The following MARCHF1 variants were observed in gnomAD, a reference collection of about 807,000 sequenced individuals.
MARCHF1 encodes the protein E3 ubiquitin-protein ligase MARCHF1.
MARCHF1 carries 40 observed loss-of-function variants against 54.2 expected under a neutral mutation model. The observed-to-expected ratio is 0.74, with a 90% CI of 0.57 to 0.96. The LOEUF (loss-of-function observed/expected upper bound fraction) is 0.96. Ranked by LOEUF, MARCHF1 falls within the 40% of genes least tolerant of loss-of-function variation. The probability of loss-of-function intolerance (pLI) is 0.00; values close to 1 mark genes in which losing one functional copy is unlikely to be tolerated. For synonymous variants in MARCHF1, 236 were observed against 236.3 expected (o/e 1.00, Z 0.01); for missense variants, 586 against 656.5 (o/e 0.89, Z 1.17).
chr4:163,624,838 T>C (rs1472187385), intron 5 of MARCHF1, among the ~76,000 whole-genome samples: 1 of 152,230 alleles, frequency 6.6e-6, no homozygotes, highest in South Asian at 2.1e-4. Flanking sequence ...TAGGAAAATA[T>C]TATTCTCACA....
rs1733218957 is a variant in MARCHF1 at position 164,254,546 on chromosome 4, T to G, written c.-323+129324A>C. On this transcript the variant is annotated intron_variant, in intron 1 of 9. Coordinates refer to ENST00000514618, the MANE Select transcript of MARCHF1 (RefSeq NM_001394959.1). ...AATAAACTCCCATATGTATGAAGTT[T>G]ATTAAGTATTAACTTAATATATATC... 2.0e-5 allele frequency among the ~76,000 whole-genome samples: 3 copies of G among 151,968 alleles called. No homozygotes were observed. The South Asian group carries it at 6.2e-4, about 32-fold the overall frequency.
At chr4:164,371,149 G>A (rs1731025850) in intron 1 of MARCHF1, among the ~76,000 whole-genome samples, 1 of 152,132 alleles carries the variant, frequency 6.6e-6, no homozygotes, top group African/African-American at 2.4e-5. Context: ...AGATATGCCA[G>A]AGTTAGCCTC....
intron 1 of MARCHF1, among the ~76,000 whole-genome samples, chr4:164,148,911 T>C (rs1729851168): frequency 1.3e-5 from 2 of 152,132 alleles, no homozygotes; most frequent in Non-Finnish European, 2.9e-5. Context: ...GATATTATTA[T>C]AGTTTGGATG....
At chr4:163,890,111 T>A (rs952047090) in intron 3 of MARCHF1, among the ~76,000 whole-genome samples, 4 of 149,352 alleles carry the variant, frequency 2.7e-5, no homozygotes, top group African/African-American at 9.9e-5. Flanking sequence ...TTTTTTTGTA[T>A]TTTTAGTAGA....
chr4:164,339,557 G>C (rs1729854400), intron 1 of MARCHF1, among the ~76,000 whole-genome samples: 1 of 152,042 alleles, frequency 6.6e-6, no homozygotes, highest in Non-Finnish European at 1.5e-5. Context: ...AAACTTATGA[G>C]ATACAGCAAA....
intron 1 of MARCHF1, among the ~76,000 whole-genome samples, chr4:164,141,448 T>C (rs1167440215): frequency 1.3e-5 from 2 of 152,230 alleles, no homozygotes; most frequent in Non-Finnish European, 2.9e-5. Flanking sequence ...TGTCCCCCCA[T>C]CATTTCTACT....
chr4:163,961,974 A>C (rs1752353768), intron 3 of MARCHF1, among the ~76,000 whole-genome samples: 1 of 151,930 alleles, frequency 6.6e-6, no homozygotes, highest in Non-Finnish European at 1.5e-5. Flanking sequence ...CAAAGTGGAC[A>C]ATTTTAACAT....
intron 5 of MARCHF1, among the ~76,000 whole-genome samples, chr4:163,646,961 A>G (rs1288948414): frequency 6.6e-6 from 1 of 152,142 alleles, no homozygotes; most frequent in Non-Finnish European, 1.5e-5. Flanking sequence ...ATGAAAAGAC[A>G]AAGTGGCTAA....
chr4:164,188,380 C>T, intron 1 of MARCHF1: 1 of 491,546 alleles, frequency 2.0e-6, no homozygotes. Context: ...GACTGGCTGG[C>T]AAGATGAAGC....
intron 4 of MARCHF1, among the ~76,000 whole-genome samples, chr4:163,830,820 T>C (rs771797189): frequency 6.6e-6 from 1 of 152,106 alleles, no homozygotes; most frequent in Non-Finnish European, 1.5e-5. Context: ...TATGCTCTCC[T>C]GTGATTTGGA....
chr4:163,942,316 C>T (rs909337313), intron 3 of MARCHF1, among the ~76,000 whole-genome samples: 17 of 152,298 alleles, frequency 1.1e-4, no homozygotes, highest in African/African-American at 3.8e-4. Context: ...CCTTCGTATA[C>T]AGTTCTTTTA....
At chr4:163,640,584 A>G (rs1465212826) in intron 5 of MARCHF1, among the ~76,000 whole-genome samples, 1 of 152,140 alleles carries the variant, frequency 6.6e-6, no homozygotes, top group Non-Finnish European at 1.5e-5. Context: ...TTTAGCCTGG[A>G]AAAATTTTAA....
chr4:163,847,812 G>A (rs185817491), intron 4 of MARCHF1, among the ~76,000 whole-genome samples: 402 of 151,900 alleles, frequency 2.6e-3, no homozygotes, highest in African/African-American at 9.0e-3. Flanking sequence ...AACTCCAGGC[G>A]TCAAGCGATC....
At chr4:163,571,397 G>C (rs1739838184) in intron 8 of MARCHF1, among the ~76,000 whole-genome samples, 1 of 152,134 alleles carries the variant, frequency 6.6e-6, no homozygotes, top group Non-Finnish European at 1.5e-5. Context: ...CCACACGGCA[G>C]GTGCTCAGTA....
intron 3 of MARCHF1, among the ~76,000 whole-genome samples, chr4:163,916,561 G>A (rs754662776): frequency 6.9e-6 from 1 of 144,850 alleles, no homozygotes; most frequent in Non-Finnish European, 1.5e-5. Context: ...TGGTGATCTC[G>A]TGAGTCACTG....
At chr4:163,789,306 A>T (rs1018945083) in intron 4 of MARCHF1, among the ~76,000 whole-genome samples, 1 of 152,032 alleles carries the variant, frequency 6.6e-6, no homozygotes, top group Non-Finnish European at 1.5e-5. Flanking sequence ...TTAGAAACAC[A>T]TGGACATGTA....
intron 3 of MARCHF1, among the ~76,000 whole-genome samples, chr4:163,931,206 T>A (rs1751665675): frequency 6.6e-6 from 1 of 152,108 alleles, no homozygotes; most frequent in Non-Finnish European, 1.5e-5. Context: ...CCTCCAGAAC[T>A]GTGAGAAAAT....
At chr4:164,325,400 G>C (rs897908625) in intron 1 of MARCHF1, among the ~76,000 whole-genome samples, 16 of 150,076 alleles carry the variant, frequency 1.1e-4, no homozygotes, top group East Asian at 1.0e-3. Context: ...GTCCAATACA[G>C]CTTTTTAAAA....
intron 1 of MARCHF1, among the ~76,000 whole-genome samples, chr4:164,243,955 A>C (rs1322807267): frequency 6.6e-6 from 1 of 152,094 alleles, no homozygotes; most frequent in African/African-American, 2.4e-5. Flanking sequence ...CAGATTCATA[A>C]AGCAAGTCTG....
Sources: gnomAD v4.1 joint callset for allele counts (sites outside exome capture counted in the v4.1 genomes callset) on GRCh38, gnomAD v4.1.1 for gene constraint, MANE v1.5 for transcripts, NCBI Gene and HGNC (gene_info 2026-07-23, HGNC 2026-07-21) for gene names.